The following GPR158 variants were observed in gnomAD, a reference collection of about 807,000 sequenced individuals.
GPR158 encodes metabotropic glycine receptor.
In GPR158, 30 loss-of-function variants were observed where a neutral mutation model predicts 78.2. That is an observed-to-expected ratio of 0.38 (90% CI 0.29 to 0.52). GPR158 has a LOEUF of 0.52. GPR158 is among the 20% of genes least tolerant of loss of function. The pLI is 0.83. For missense variants in GPR158, 1,463 were observed against 1,523.5 expected, an observed-to-expected ratio of 0.96 and a Z score of 0.66; for synonymous variants, 581 against 591.1, an observed-to-expected ratio of 0.98 and a Z score of 0.25.
At chr10:25,492,884 A>T (rs560857428) in intron 5 of GPR158, among the ~76,000 whole-genome samples, 1 of 148,344 alleles carries the variant, frequency 6.7e-6, no homozygotes, top group African/African-American at 2.4e-5. Flanking sequence ...ATTGATATAT[A>T]AACAAATATT....
At chr10:25,340,728 C>G (rs1350670404) in intron 2 of GPR158, among the ~76,000 whole-genome samples, 1 of 151,940 alleles carries the variant, frequency 6.6e-6, no homozygotes, top group Non-Finnish European at 1.5e-5. Flanking sequence ...GCTTAAAAAA[C>G]AGAATAGAGT....
chr10:25,218,122 C>T (rs1853244783), intron 1 of GPR158, among the ~76,000 whole-genome samples: 1 of 152,050 alleles, frequency 6.6e-6, no homozygotes, highest in Non-Finnish European at 1.5e-5. Context: ...GGTTTTCTTT[C>T]TGTTATATCC....
chr10:25,396,096 G>T, intron 3 of GPR158, 83 bp downstream of exon 3: 1 of 609,748 alleles, frequency 1.6e-6, no homozygotes, highest in South Asian at 2.3e-5. Context: ...TATCCTTGTT[G>T]GAGTTATATG....
intron 6 of GPR158, among the ~76,000 whole-genome samples, chr10:25,554,825 A>G (rs924778431): frequency 1.3e-5 from 2 of 152,196 alleles, no homozygotes; most frequent in Non-Finnish European, 2.9e-5. Context: ...AATCACCAGT[A>G]TATGGTGATT....
intron 2 of GPR158, among the ~76,000 whole-genome samples, chr10:25,278,521 G>A (rs1193642111): frequency 1.3e-5 from 2 of 152,066 alleles, no homozygotes; most frequent in Admixed American, 1.3e-4. Flanking sequence ...TAATGCCTTA[G>A]TATTTTCCAG....
chr10:25,407,138 TTCTTA>T (rs1477824642), intron 3 of GPR158, among the ~76,000 whole-genome samples: 7 of 152,322 alleles, frequency 4.6e-5, no homozygotes, highest in Middle Eastern at 3.4e-3. Context: ...TATGTCCAAG[TTCTTA>T]TCTTAAGTTC....
At chr10:25,254,861 T>C (rs1853870739) in intron 2 of GPR158, among the ~76,000 whole-genome samples, 1 of 152,206 alleles carries the variant, frequency 6.6e-6, no homozygotes, top group Non-Finnish European at 1.5e-5. Context: ...ACTAGACACA[T>C]TCTAAAACTA....
intron 5 of GPR158, among the ~76,000 whole-genome samples, chr10:25,509,365 T>G (rs887174214): frequency 6.6e-6 from 1 of 152,164 alleles, no homozygotes; most frequent in African/African-American, 2.4e-5. Flanking sequence ...ACCTCAAAGC[T>G]TAGGCATAAA....
intron 1 of GPR158, among the ~76,000 whole-genome samples, chr10:25,187,326 T>TA (rs1852702828): frequency 6.6e-6 from 1 of 151,492 alleles, no homozygotes; most frequent in Non-Finnish European, 1.5e-5. Flanking sequence ...AGAGACACAA[T>TA]AAAAAAAGAG....
At chr10:25,490,408 T>C (rs17527937) in intron 5 of GPR158, among the ~76,000 whole-genome samples, 48 of 141,548 alleles carry the variant, frequency 3.4e-4, no homozygotes, top group African/African-American at 7.9e-4. Flanking sequence ...CGTCATCTAG[T>C]ATGAGGTATA....
chr10:25,592,918 A>AG (rs1227153567), intron 8 of GPR158, among the ~76,000 whole-genome samples: 2 of 151,618 alleles, frequency 1.3e-5, no homozygotes, highest in African/African-American at 4.8e-5. Flanking sequence ...AAAAAAAAAA[A>AG]AAAAGCCTGA....
At chr10:25,322,546 A>C (rs1359601327) in intron 2 of GPR158, among the ~76,000 whole-genome samples, 1 of 152,242 alleles carries the variant, frequency 6.6e-6, no homozygotes, top group Non-Finnish European at 1.5e-5. Flanking sequence ...TTCTAGCATG[A>C]ATCATGAATG....
intron 3 of GPR158, among the ~76,000 whole-genome samples, chr10:25,396,352 A>T (rs1188377916): frequency 6.6e-6 from 1 of 152,194 alleles, no homozygotes; most frequent in African/African-American, 2.4e-5. Context: ...TATTTTATTT[A>T]TCAAGGTGTT....
chr10:25,329,118 T>G (rs943629344), intron 2 of GPR158, among the ~76,000 whole-genome samples: 9 of 151,948 alleles, frequency 5.9e-5, no homozygotes, highest in Non-Finnish European at 5.9e-5. Flanking sequence ...TTTGTTTTGC[T>G]CTGTTGTAGA....
chr10:25,233,260 C>G (rs1853477037), intron 2 of GPR158, among the ~76,000 whole-genome samples: 1 of 152,186 alleles, frequency 6.6e-6, no homozygotes, highest in African/African-American at 2.4e-5. Context: ...TTTCTATTAT[C>G]TTACCATAAT....
chr10:25,284,427 T>G (rs1207858672), intron 2 of GPR158, among the ~76,000 whole-genome samples: 1 of 152,062 alleles, frequency 6.6e-6, no homozygotes, highest in Non-Finnish European at 1.5e-5. Flanking sequence ...TTTTCTGATA[T>G]TAATATGCCT....
At chr10:25,241,773 T>A (rs1853632715) in intron 2 of GPR158, among the ~76,000 whole-genome samples, 1 of 152,146 alleles carries the variant, frequency 6.6e-6, no homozygotes, top group East Asian at 1.9e-4. Context: ...CTTATATTGT[T>A]AGGTGGTTTG....
intron 2 of GPR158, among the ~76,000 whole-genome samples, chr10:25,324,205 C>T (rs2130482713): frequency 6.6e-6 from 1 of 152,344 alleles, no homozygotes; most frequent in Non-Finnish European, 1.5e-5. Flanking sequence ...GCACGAGAGG[C>T]CTGGCTTTCA....
At chr10:25,373,629 T>G (rs1207980129) in intron 2 of GPR158, among the ~76,000 whole-genome samples, 1 of 151,948 alleles carries the variant, frequency 6.6e-6, no homozygotes, top group East Asian at 1.9e-4. Context: ...ATTTACATTA[T>G]CATTTGGTTC....
Sources: gnomAD v4.1 joint callset for allele counts (sites outside exome capture counted in the v4.1 genomes callset) on GRCh38, gnomAD v4.1.1 for gene constraint, MANE v1.5 for transcripts, NCBI Gene and HGNC (gene_info 2026-07-23, HGNC 2026-07-21) for gene names.